Variants in ELAVL4 observed in about 807,000 individuals in gnomAD.
ELAVL4 encodes the protein ELAV like RNA binding protein 4.
Under a neutral mutation model 35.6 loss-of-function variants are expected in ELAVL4, and 1 was observed. That is an observed-to-expected ratio of 0.03 (90% CI 0.01 to 0.13). The LOEUF (loss-of-function observed/expected upper bound fraction) is 0.13, where lower values mean the gene tolerates loss of function less well. ELAVL4 is among the 10% of genes least tolerant of loss of function. ELAVL4 has a pLI of 1.00. For missense variants in ELAVL4, 267 were observed against 464.9 expected (o/e 0.57, Z 3.91); for synonymous variants, 156 against 171.0 (o/e 0.91, Z 0.69).
At chr1:50,106,356 A>G (rs898460271), upstream of ELAVL4, 2 of 1,613,608 alleles carry the variant, frequency 1.2e-6, no homozygotes, top group African/African-American at 2.7e-5. Context: ...CTTTTAAGGG[A>G]AATTGTCATT....
chr1:50,146,968 A>G (rs1465635777), intron 2 of ELAVL4, among the ~76,000 whole-genome samples: 1 of 152,060 alleles, frequency 6.6e-6, no homozygotes, highest in Non-Finnish European at 1.5e-5. Flanking sequence ...AAAGAATGCT[A>G]ATTTGGTAGT....
At position 50,193,782 on chromosome 1, in the gene ELAVL4, G is replaced by C; in HGVS notation, c.372G>C (p.Pro124=). Residue 124 remains proline, a synonymous_variant, in exon 4 of 7, where the codon CCG becomes CCC. Coordinates refer to ENST00000371824, the MANE Select transcript of ELAVL4 (RefSeq NM_001144774.3). Reference sequence around the variant, plus strand: ...TTTCCTAGGTCTCATATGCCCGTCCGAGCTCTGCCTCAATCAGGGATGCTA... The same window carrying C: ...TTTCCTAGGTCTCATATGCCCGTCCCAGCTCTGCCTCAATCAGGGATGCTA... ...TKTIKVSYAR[P]SSASIRDANL... 2 of 1,613,764 alleles carry C rather than the reference G, an allele frequency of 1.2e-6. No homozygotes were observed. Among genetic ancestry groups the C allele is most frequent in the Non-Finnish European group, 1.7e-6 (2 of 1,179,870 alleles).
In ELAVL4 at chr1:50,201,234, C is replaced by A; in HGVS notation, c.*56C>A. 1 of 1,465,858 alleles carries A rather than the reference C, an allele frequency of 6.8e-7. No homozygotes were observed. Among genetic ancestry groups the A allele is most frequent in the African/African-American group, 1.4e-5 (1 of 69,788 alleles). 90.8% of individuals were successfully genotyped at this position (1,465,858 alleles called of 1,614,324 possible). ...TAGAAATATATACGAACAAAACACA[C>A]GCGCGCACACACACACATACACGAA... On this transcript the variant is annotated 3_prime_UTR_variant, in exon 7 of 7. Transcript: ENST00000371824. The surrounding 1 kb of genome is among the most constrained non-coding windows in gnomAD (Gnocchi z 4.3).
intron 1 of ELAVL4, among the ~76,000 whole-genome samples, chr1:50,119,348 C>T (rs1440906311): frequency 6.6e-6 from 1 of 151,852 alleles, no homozygotes; most frequent in Non-Finnish European, 1.5e-5. Context: ...AGATGTTTGT[C>T]CATATTTTAG....
At chr1:50,049,636 C>T (rs1168820351) in intron 1 of ELAVL4, among the ~76,000 whole-genome samples, 1 of 152,152 alleles carries the variant, frequency 6.6e-6, no homozygotes, top group Non-Finnish European at 1.5e-5. Flanking sequence ...GTAGGGTAGA[C>T]TGTGGCACTG....
chr1:50,142,561 T>C (rs901959113), intron 1 of ELAVL4, among the ~76,000 whole-genome samples: 5 of 152,100 alleles, frequency 3.3e-5, no homozygotes, highest in African/African-American at 1.2e-4. Context: ...CCATTTTTAC[T>C]ATACCACTCT....
intron 1 of ELAVL4, among the ~76,000 whole-genome samples, chr1:50,135,988 A>G (rs911055358): frequency 6.6e-6 from 1 of 152,112 alleles, no homozygotes; most frequent in African/African-American, 2.4e-5. Context: ...TTAATAACAT[A>G]TGTCTCCTTC....
intron 3 of ELAVL4, among the ~76,000 whole-genome samples, chr1:50,192,554 C>CAT (rs139354438): frequency 1.3e-5 from 2 of 151,724 alleles, no homozygotes; most frequent in African/African-American, 4.8e-5. Context: ...CACACACACA[C>CAT]ACACACACAC....
intron 3 of ELAVL4, among the ~76,000 whole-genome samples, chr1:50,184,664 A>G (rs986915703): frequency 1.3e-5 from 2 of 152,198 alleles, no homozygotes; most frequent in South Asian, 2.1e-4. Context: ...ACCCTGAGGC[A>G]TTAGTTTGAT....
intron 2 of ELAVL4, among the ~76,000 whole-genome samples, chr1:50,158,988 C>T (rs1044191718): frequency 6.7e-6 from 1 of 148,450 alleles, no homozygotes; most frequent in Non-Finnish European, 1.5e-5. Context: ...AGCAGTGAGC[C>T]GAGATTGTGC....
At chr1:50,053,111 A>G (rs367702978) in intron 1 of ELAVL4, among the ~76,000 whole-genome samples, 13 of 152,326 alleles carry the variant, frequency 8.5e-5, no homozygotes, top group East Asian at 5.8e-4. Flanking sequence ...TGTTTCTTTT[A>G]ATAGAAATAC....
chr1:50,088,758 G>C (rs1443736442), intron 1 of ELAVL4, among the ~76,000 whole-genome samples: 1 of 151,942 alleles, frequency 6.6e-6, no homozygotes, highest in Non-Finnish European at 1.5e-5. Flanking sequence ...TCAATCACTC[G>C]GTGCACTAGA....
chr1:50,133,611 G>GA (rs1220490690), intron 1 of ELAVL4, among the ~76,000 whole-genome samples: 1 of 131,490 alleles, frequency 7.6e-6, no homozygotes, highest in African/African-American at 3.1e-5. Context: ...AAGAAAGAAA[G>GA]AAAGAAAGAA....
intron 1 of ELAVL4, among the ~76,000 whole-genome samples, chr1:50,064,587 C>T (rs779442806): frequency 1.9e-4 from 29 of 152,098 alleles, no homozygotes; most frequent in Non-Finnish European, 4.0e-4. Flanking sequence ...CCAAAGTCAC[C>T]AGATTTAAAT....
intron 1 of ELAVL4, among the ~76,000 whole-genome samples, chr1:50,074,134 C>CTG (rs1026849022): frequency 6.6e-6 from 1 of 152,202 alleles, no homozygotes; most frequent in African/African-American, 2.4e-5. Context: ...GCTGGCTGGG[C>CTG]TGTGCTTCTC....
chr1:50,150,452 C>A (rs1025335050), intron 2 of ELAVL4, among the ~76,000 whole-genome samples: 1 of 152,190 alleles, frequency 6.6e-6, no homozygotes, highest in African/African-American at 2.4e-5. Flanking sequence ...TGCAGTAACA[C>A]TGGGTAACTT....
intron 2 of ELAVL4, among the ~76,000 whole-genome samples, chr1:50,159,039 CAAAAA>C (rs57361277): frequency 1.3e-5 from 1 of 74,894 alleles, no homozygotes. Flanking sequence ...GACTCCTTCT[CAAAAA>C]AAAAAAAAAA....
intron 1 of ELAVL4, among the ~76,000 whole-genome samples, chr1:50,120,895 G>A (rs1668913547): frequency 6.6e-6 from 1 of 151,992 alleles, no homozygotes; most frequent in Admixed American, 6.6e-5. Context: ...AGAAGATGGT[G>A]GTGAGTGGGG....
intron 1 of ELAVL4, among the ~76,000 whole-genome samples, chr1:50,132,852 CAAAT>C (rs1294192336): frequency 1.3e-5 from 2 of 152,242 alleles, no homozygotes; most frequent in East Asian, 1.9e-4. Context: ...ACAGAGTTGA[CAAAT>C]AAAGATGGAG....
Sources: allele counts gnomAD v4.1 joint callset (sites outside exome capture counted in the v4.1 genomes callset), GRCh38; gene constraint gnomAD v4.1.1; non-coding constraint Gnocchi (gnomAD v3.1); transcripts MANE v1.5; gene names NCBI Gene and HGNC (gene_info 2026-07-23, HGNC 2026-07-21).